The following ARPC1B variants were observed in gnomAD, a reference collection of about 807,000 sequenced individuals.
ARPC1B encodes actin-related protein 2/3 complex subunit 1B.
In ARPC1B, 29 loss-of-function variants were observed where a neutral mutation model predicts 46.0. That is an observed-to-expected ratio of 0.63 (90% CI 0.47 to 0.86). The LOEUF (loss-of-function observed/expected upper bound fraction) is 0.86, where lower values mean the gene tolerates loss of function less well. Among genes scored for constraint, ARPC1B ranks in the 40% least tolerant of loss-of-function variants. The probability of loss-of-function intolerance (pLI) is 0.00; values close to 1 mark genes in which losing one functional copy is unlikely to be tolerated. For missense variants in ARPC1B, 469 were observed against 529.4 expected (o/e 0.89, Z 1.12); for synonymous variants, 201 against 213.9 (o/e 0.94, Z 0.53).
intron 5 of ARPC1B, among the ~76,000 whole-genome samples, chr7:99,390,391 C>T (rs753527602): frequency 6.7e-5 from 10 of 148,266 alleles, no homozygotes; most frequent in African/African-American, 2.0e-4. Context: ...TTTTTGGAGA[C>T]GGACTCTCGC....
intron 8 of ARPC1B, 125 bp downstream of exon 8, chr7:99,393,001 C>T (rs979280712): frequency 9.5e-7 from 1 of 1,053,866 alleles, no homozygotes; most frequent in Non-Finnish European, 1.3e-6. Flanking sequence ...GGACTGGGGA[C>T]CCGGAGGGAG....
rs1437031271 is a variant in ARPC1B at position 99,386,510 on chromosome 7, G to C, written c.65-175G>C. ...GAGTAAAGGACAGCCAGTTCCAGGAGAAGACAGGGTGGCCTAGCAGGGCCT... is the reference window on the plus strand; with the variant it reads ...GAGTAAAGGACAGCCAGTTCCAGGACAAGACAGGGTGGCCTAGCAGGGCCT... On this transcript the variant is annotated intron_variant, in intron 2 of 9. Transcript: ENST00000646101. The C allele has an allele frequency of 5.6e-6, 4 of 711,906 alleles. No individual in the cohort carries two copies. In the African/African-American group the frequency reaches 7.0e-5, roughly 12 times the overall value. 44.1% of individuals were successfully genotyped at this position (711,906 alleles called of 1,614,324 possible).
At chr7:99,394,304 C>G in intron 9 of ARPC1B, 147 bp from the exon 10 acceptor site, 3 of 1,050,254 alleles carry the variant, frequency 2.9e-6, no homozygotes, top group Non-Finnish European at 4.3e-6. Context: ...GTCTTCAGGG[C>G]CGGGATTCCA....
chr7:99,394,403 G>A (rs2150900201), intron 9 of ARPC1B, 48 bp from the exon 10 acceptor site: 1 of 1,502,320 alleles, frequency 6.7e-7, no homozygotes, highest in South Asian at 1.1e-5. Context: ...GGAGTGGGGT[G>A]CCTGCAGGAC....
chr7:99,391,093 A>T lies in ARPC1B; in HGVS notation c.701A>T (p.Lys234Met), dbSNP rs1046660850. 6.8e-6 allele frequency: 11 copies of T among 1,613,446 alleles called. No homozygotes were observed. The highest frequency in any genetic ancestry group is 4.5e-5 in the East Asian group (2 of 44,852). The change falls in exon 6 of 10, where the codon AAG (lysine) becomes ATG (methionine). Residue 234 changes from lysine (K) to methionine (M), a missense_variant. By Grantham distance (95) the Lys-to-Met change is moderately conservative. Coordinates refer to ENST00000646101, the MANE Select transcript of ARPC1B (RefSeq NM_005720.4). ...STVCLADADK[K>M]MAVATLASET... is the part of the protein sequence containing the mutation. ...GTCTGCCTGGCTGATGCCGACAAGA[A>T]GATGGCGTGAGTCGAGGCCATCCCC...
rs755494091 is a variant in ARPC1B at position 99,392,631 on chromosome 7, CCCCTCCGCGGCGCTCCAATGGCCCCCG to C, written c.784-30_784-4del. The C allele has an allele frequency of 1.4e-6, 2 of 1,435,600 alleles. No individual in the cohort carries two copies. The highest frequency in any genetic ancestry group is 9.1e-7 in the Non-Finnish European group (1 of 1,094,058). The allele number at this position is 1,435,600 out of a possible 1,614,324, so 88.9% of individuals were successfully genotyped here. A position where few individuals can be genotyped will look rare whatever the true frequency, so the allele number is the denominator to read the frequency against. On this transcript the variant is annotated splice_polypyrimidine_tract_variant and intron_variant, in intron 7 of 9. Coordinates refer to ENST00000646101, the MANE Select transcript of ARPC1B (RefSeq NM_005720.4). ...CTGGCCTTCCCTCCGGCCTCGGTTT[CCCCTCCGCGGCGCTCCAATGGCCCCCG>C]CCCTCCGCGCAGGGCCACGACTGCT...
chr7:99,390,141 G>A, intron 5 of ARPC1B, 129 bp downstream of exon 5: 1 of 789,582 alleles, frequency 1.3e-6, no homozygotes, highest in Non-Finnish European at 2.0e-6. Flanking sequence ...ACCAGTGGAT[G>A]ACCTGGGCGT....
chr7:99,394,812 A>C lies in ARPC1B; in HGVS notation c.*323A>C. On this transcript the variant is annotated 3_prime_UTR_variant, in exon 10 of 10. Coordinates refer to ENST00000646101, the MANE Select transcript of ARPC1B (RefSeq NM_005720.4). The stretch of plus-strand genomic sequence containing the variant: ...AAAAAAAAAAAAAAAGTAATTATGG[A>C]CATGCTTGCCTATGTGGAAGGAGAG... 1 of 1,229,824 alleles carries C rather than the reference A, an allele frequency of 8.1e-7. No homozygotes were observed. The highest frequency in any genetic ancestry group is 1.0e-6 in the Non-Finnish European group (1 of 988,604). 76.2% of individuals were successfully genotyped at this position (1,229,824 alleles called of 1,614,324 possible).
At chr7:99,392,994 C>G in intron 8 of ARPC1B, 118 bp downstream of exon 8, 1 of 1,112,388 alleles carries the variant, frequency 9.0e-7, no homozygotes, top group South Asian at 1.7e-5. Flanking sequence ...ACCTTGAGGA[C>G]TGGGGACCCG....
intron 5 of ARPC1B, 115 bp downstream of exon 5, chr7:99,390,127 T>G (rs1253086032): frequency 3.4e-6 from 3 of 884,886 alleles, no homozygotes; most frequent in Non-Finnish European, 5.3e-6. Flanking sequence ...ATTCCAGACC[T>G]GCTACCAGTG....
intron 1 of ARPC1B, among the ~76,000 whole-genome samples, chr7:99,375,606 G>C (rs1444587909): frequency 6.6e-6 from 1 of 152,198 alleles, no homozygotes; most frequent in African/African-American, 2.4e-5. Context: ...TGCCTCCTCT[G>C]CCAATGCAGC....
intron 1 of ARPC1B, among the ~76,000 whole-genome samples, chr7:99,382,735 A>G (rs971990446): frequency 6.6e-6 from 1 of 151,992 alleles, no homozygotes; most frequent in Non-Finnish European, 1.5e-5. Flanking sequence ...AGGCCTCCCA[A>G]AGTACTGGGG....
chr7:99,386,747 A>G lies in ARPC1B; in HGVS notation c.127A>G (p.Thr43Ala). 1 of 1,614,142 alleles carries G rather than the reference A, an allele frequency of 6.2e-7. No homozygotes were observed. Among genetic ancestry groups the G allele is most frequent in the Non-Finnish European group, 8.5e-7 (1 of 1,180,016 alleles). The change falls in exon 3 of 10, where the codon ACC (threonine) becomes GCC (alanine). Residue 43 changes from threonine to alanine, a missense_variant. Physicochemically the swap from Thr to Ala is moderately conservative, Grantham distance 58. Coordinates refer to ENST00000646101, the MANE Select transcript of ARPC1B (RefSeq NM_005720.4). Reference sequence around the variant, plus strand: ...CTATGAAAAGAGCGGTGCCAAATGGACCAAGGTGCACGAGCTCAAGGAGCA... The same window carrying G: ...CTATGAAAAGAGCGGTGCCAAATGGGCCAAGGTGCACGAGCTCAAGGAGCA... ...HIYEKSGAKW[T>A]KVHELKEHNG... is the part of the protein sequence containing the mutation.
chr7:99,392,658 G>A lies in ARPC1B; in HGVS notation c.784-13G>A, dbSNP rs1210139634. On this transcript the variant is annotated splice_polypyrimidine_tract_variant and intron_variant, in intron 7 of 9. Coordinates refer to ENST00000646101, the MANE Select transcript of ARPC1B (RefSeq NM_005720.4). ...CCTCCGCGGCGCTCCAATGGCCCCC[G>A]CCCTCCGCGCAGGGCCACGACTGCT... 8 of 1,493,526 alleles carry A rather than the reference G, an allele frequency of 5.4e-6. No individual in the cohort carries two copies. The highest frequency in any genetic ancestry group is 2.2e-4 in the Middle Eastern group (1 of 4,504). The allele number at this position is 1,493,526 out of a possible 1,614,324, so 92.5% of individuals were successfully genotyped here. A position where few individuals can be genotyped will look rare whatever the true frequency, so the allele number is the denominator to read the frequency against.
Position 99,392,921 on chromosome 7 carries a change from G to C in ARPC1B, c.989+45G>C, listed in dbSNP as rs1026652811. 8.7e-6 allele frequency: 13 copies of C among 1,496,514 alleles called. No homozygotes were observed. The Admixed American group carries it at 2.4e-4, about 27-fold the overall frequency. The allele number at this position is 1,496,514 out of a possible 1,614,324, so 92.7% of individuals were successfully genotyped here. A position where few individuals can be genotyped will look rare whatever the true frequency, so the allele number is the denominator to read the frequency against. The stretch of plus-strand genomic sequence containing the variant: ...CGGCGGGTGGGCGGGGCCTCGGCTC[G>C]CCCAGAAACAGCGTCGGGTGAGGAA... On this transcript the variant is annotated intron_variant, in intron 8 of 9. Transcript: ENST00000646101.
At position 99,390,025 on chromosome 7, in the gene ARPC1B, G is replaced by A. The variant is rs371784878; in HGVS notation, c.500+13G>A. 40 of 1,610,594 alleles carry A rather than the reference G, an allele frequency of 2.5e-5. No homozygotes were observed. Among genetic ancestry groups the A allele is most frequent in the Non-Finnish European group, 3.4e-5 (40 of 1,177,472 alleles). Reference sequence around the variant, plus strand: ...ACTTCAAGTGTCGGTGAGACAGGGCGCCATGGGGGAGGGCGGGGCTGACGT... The same window carrying A: ...ACTTCAAGTGTCGGTGAGACAGGGCACCATGGGGGAGGGCGGGGCTGACGT... On this transcript the variant is annotated intron_variant, in intron 5 of 9. Transcript: ENST00000646101.
intron 8 of ARPC1B, among the ~76,000 whole-genome samples, chr7:99,393,593 C>T (rs2150899189): frequency 6.6e-6 from 1 of 152,228 alleles, no homozygotes; most frequent in South Asian, 2.1e-4. Flanking sequence ...ACGTGTCCAC[C>T]CCGCGGCGAA....
At chr7:99,375,101 C>G (rs986708195) in intron 1 of ARPC1B, among the ~76,000 whole-genome samples, 2 of 151,914 alleles carry the variant, frequency 1.3e-5, no homozygotes, top group African/African-American at 4.8e-5. Flanking sequence ...GGGCTCCCAG[C>G]GCACCGGGCG....
chr7:99,385,674 G>A, intron 1 of ARPC1B, 28 bp from the exon 2 acceptor site: 3 of 1,590,142 alleles, frequency 1.9e-6, no homozygotes, highest in Non-Finnish European at 2.6e-6. Flanking sequence ...GGGCTGACGT[G>A]GATTCTCTCT....
Sources: allele counts gnomAD v4.1 joint callset (sites outside exome capture counted in the v4.1 genomes callset), GRCh38; gene constraint gnomAD v4.1.1; transcripts MANE v1.5; gene names NCBI Gene and HGNC (gene_info 2026-07-23, HGNC 2026-07-21).